KDM2B: variants seen among roughly 807,000 people sequenced by gnomAD.
KDM2B encodes the protein lysine-specific demethylase 2B.
KDM2B carries 26 observed loss-of-function variants against 150.0 expected under a neutral mutation model. The observed-to-expected ratio is 0.17, with a 90% CI of 0.13 to 0.24. The LOEUF is 0.24. Ranked by LOEUF, KDM2B falls within the 10% of genes least tolerant of loss-of-function variation. The pLI is 1.00. For missense variants in KDM2B, 1,265 were observed against 1,816.9 expected (o/e 0.70, Z 5.52); for synonymous variants, 734 against 729.5 (o/e 1.01, Z -0.10).
chr12:121,414,627 T>C, the KDM2B span, among the ~76,000 whole-genome samples: 1 of 152,238 alleles, frequency 6.6e-6, no homozygotes, highest in South Asian at 2.1e-4. Flanking sequence ...AAATTATGTT[T>C]AGTATCTTCA....
rs1337214486 is a variant in KDM2B, at chr12:121,533,021, GCC to G, written c.778-64_778-63del. ...GGCCCAGACAAGACCCAGAGAGAGG[GCC>G]CCACCTGCCTGGCGGAAGGGGAGGG... On this transcript the variant is annotated intron_variant, in intron 7 of 22. Coordinates refer to ENST00000377071, the MANE Select transcript of KDM2B (RefSeq NM_032590.5). The surrounding 1 kb of genome is among the most constrained non-coding windows in gnomAD (Gnocchi z 4.1). 1.4e-5 allele frequency: 22 copies of G among 1,571,286 alleles called. No homozygotes were observed. Among genetic ancestry groups the G allele is most frequent in the Non-Finnish European group, 1.9e-5 (22 of 1,146,486 alleles).
At chr12:121,516,623 A>G in intron 9 of KDM2B, 1 of 949,572 alleles carries the variant, frequency 1.1e-6, no homozygotes, top group Non-Finnish European at 1.5e-6. Context: ...AAGGCAAGGC[A>G]GTCACAAGGC....
chr12:121,416,055 G>A, the KDM2B span: 3 of 874,276 alleles, frequency 3.4e-6, no homozygotes, highest in Non-Finnish European at 5.5e-6. Flanking sequence ...TAATCTCAAA[G>A]TTATTGAGGG....
chr12:121,549,659 C>A lies in KDM2B; in HGVS notation c.398-21G>T, dbSNP rs1159563376. On this transcript the variant is annotated intron_variant, in intron 4 of 22. Transcript: ENST00000377071. The surrounding 1 kb of genome is among the most constrained non-coding windows in gnomAD (Gnocchi z 4.4). Reference sequence around the variant, plus strand: ...GCTCCCTGGAGGCAGAAGCCACACACTGGTTGTTCCTGCCGGCTTAAGGCT... The same window carrying A: ...GCTCCCTGGAGGCAGAAGCCACACAATGGTTGTTCCTGCCGGCTTAAGGCT... The A allele has an allele frequency of 6.5e-7, 1 of 1,539,772 alleles. No homozygotes were observed. Among genetic ancestry groups the A allele is most frequent in the Non-Finnish European group, 8.8e-7 (1 of 1,135,596 alleles).
At chr12:121,474,292 T>C (rs1881099259) in intron 12 of KDM2B, among the ~76,000 whole-genome samples, 1 of 152,102 alleles carries the variant, frequency 6.6e-6, no homozygotes, top group African/African-American at 2.4e-5. Flanking sequence ...GGTGGGCAGA[T>C]CACGAGGTCG....
In KDM2B at chr12:121,513,206, G is replaced by A. The variant is rs115837423; in HGVS notation, c.1174+70C>T. 6,227 of 1,567,572 alleles carry A rather than the reference G, an allele frequency of 4.0e-3. 228 individuals carry two copies. The African/African-American group carries it at 0.074, about 19-fold the overall frequency. ...CCCAAAACTCAGGGAGTGTCTCCAG[G>A]CCCCACTGAGAAAATGATTTCTGCC... On this transcript the variant is annotated intron_variant, in intron 10 of 22. Transcript: ENST00000377071. The surrounding 1 kb of genome is among the most constrained non-coding windows in gnomAD (Gnocchi z 5.0).
At position 121,430,534 on chromosome 12, in the gene KDM2B, AC is replaced by A; in HGVS notation, c.3830-66del. ...GAGCCAGAAGCCCCCCCGCCGCCAG[AC>A]CCAGGCACTCAGCAGTGGGGACAGG... On this transcript the variant is annotated intron_variant, in intron 22 of 22. Coordinates refer to ENST00000377071, the MANE Select transcript of KDM2B (RefSeq NM_032590.5). This position sits in a 1 kb window ranked among gnomAD's most constrained non-coding sequence, Gnocchi z 4.4. The A allele has an allele frequency of 8.5e-7, 1 of 1,173,932 alleles. No homozygotes were observed. The highest frequency in any genetic ancestry group is 1.3e-6 in the Non-Finnish European group (1 of 782,410). The allele number at this position is 1,173,932 out of a possible 1,614,324, so 72.7% of individuals were successfully genotyped here. A position where few individuals can be genotyped will look rare whatever the true frequency, so the allele number is the denominator to read the frequency against.
chr12:121,573,608 G>A (rs1230091434), intron 4 of KDM2B, among the ~76,000 whole-genome samples: 7 of 143,384 alleles, frequency 4.9e-5, no homozygotes, highest in South Asian at 4.4e-4. Flanking sequence ...TTTTTGAGAC[G>A]GAGTCTCGCT....
chr12:121,418,926 C>T, the KDM2B span, among the ~76,000 whole-genome samples: 869 of 152,258 alleles, frequency 5.7e-3, 7 homozygotes, highest in Middle Eastern at 0.037. Flanking sequence ...AGGCTGGTCT[C>T]GAATACCTGA....
At position 121,452,778 on chromosome 12, in the gene KDM2B, G is replaced by T. The variant is rs1555291890; in HGVS notation, c.1959+342C>A. Reference sequence around the variant, plus strand: ...AGATGGGGCGCTGACCTTCCACCCAGACTTCTGACTCTGAAGGCAGGGCCG... The same window carrying T: ...AGATGGGGCGCTGACCTTCCACCCATACTTCTGACTCTGAAGGCAGGGCCG... On this transcript the variant is annotated intron_variant, in intron 13 of 22. Coordinates refer to ENST00000377071, the MANE Select transcript of KDM2B (RefSeq NM_032590.5). The surrounding 1 kb of genome is among the most constrained non-coding windows in gnomAD (Gnocchi z 4.4). 1.3e-5 allele frequency among the ~76,000 whole-genome samples: 2 copies of T among 152,204 alleles called. No homozygotes were observed.
chr12:121,544,689 G>T (rs1594094230), intron 6 of KDM2B, among the ~76,000 whole-genome samples: 5 of 152,262 alleles, frequency 3.3e-5, no homozygotes, highest in Admixed American at 3.3e-4. Context: ...AAGGCGGGCA[G>T]ATCACCTGAG....
At chr12:121,414,943 A>T in the KDM2B span, among the ~76,000 whole-genome samples, 1 of 152,174 alleles carries the variant, frequency 6.6e-6, no homozygotes, top group Non-Finnish European at 1.5e-5. Context: ...AAAACTACAA[A>T]AAATTAGCTG....
At position 121,468,354 on chromosome 12, in the gene KDM2B, C is replaced by G. The variant is rs114357852; in HGVS notation, c.1735-15010G>C. ...GTCTATCGGGCACTTAAGCCAGCAGCCTCTCTGAAAGAGCTCATGACCATG... is the reference window on the plus strand; with the variant it reads ...GTCTATCGGGCACTTAAGCCAGCAGGCTCTCTGAAAGAGCTCATGACCATG... On this transcript the variant is annotated intron_variant, in intron 12 of 22. Transcript: ENST00000377071. The surrounding 1 kb of genome is among the most constrained non-coding windows in gnomAD (Gnocchi z 4.0). 3.9e-5 allele frequency: 6 copies of G among 152,172 alleles called. No homozygotes were observed. Among genetic ancestry groups the G allele is most frequent in the African/African-American group, 1.4e-4 (6 of 41,436 alleles). 9.4% of individuals were successfully genotyped at this position (152,172 alleles called of 1,614,324 possible).
intron 1 of KDM2B, chr12:121,579,690 C>G: frequency 7.1e-7 from 1 of 1,413,030 alleles, no homozygotes; most frequent in Non-Finnish European, 9.3e-7. Flanking sequence ...CCCCGCATCC[C>G]CCTGCCTCCT....
the KDM2B span, chr12:121,420,613 C>T: frequency 1.9e-6 from 3 of 1,614,054 alleles, no homozygotes; most frequent in Non-Finnish European, 2.5e-6. Flanking sequence ...GAGAGCTTCA[C>T]TGTCTGACTT....
rs1211720542 is a variant in KDM2B, at chr12:121,443,009, T to C, written c.2587A>G (p.Lys863Glu). ...QQQLKPGKED[K>E]LFRKKRRSWK... ...GATGGTACCTTTTTCCTGAAAAGCT[T>C]ATCTTCTTTGCCAGGTTTGAGCTGT... Residue 863 changes from lysine (K) to glutamate (E), a missense_variant, in exon 18 of 23, where the codon AAG becomes GAG. This residue lies in a region of KDM2B where 418 missense variants were observed against 402.4 expected (regional missense o/e 1.04). Transcript: ENST00000377071. 6 of 1,613,360 alleles carry C rather than the reference T, an allele frequency of 3.7e-6. No homozygotes were observed. Among genetic ancestry groups the C allele is most frequent in the Non-Finnish European group, 5.1e-6 (6 of 1,179,716 alleles).
intron 13 of KDM2B, among the ~76,000 whole-genome samples, chr12:121,449,865 A>G (rs534254296): frequency 1.1e-4 from 16 of 152,340 alleles, no homozygotes; most frequent in African/African-American, 3.8e-4. Flanking sequence ...AATTAAAAGC[A>G]CAAGCAGTGG....
At chr12:121,488,517 T>C (rs12818602) in intron 12 of KDM2B, among the ~76,000 whole-genome samples, 1,873 of 152,260 alleles carry the variant, frequency 0.012, 18 homozygotes, top group Non-Finnish European at 0.02. Context: ...AGCTAGTCAG[T>C]GGTGAAGGAA....
rs1421434189 is a variant in KDM2B, at chr12:121,534,362, A to G, written c.777+135T>C. 22 of 646,778 alleles carry G rather than the reference A, an allele frequency of 3.4e-5. 1 individual carries two copies. Among genetic ancestry groups the G allele is most frequent in the African/African-American group, 7.4e-5 (4 of 54,196 alleles). The allele number at this position is 646,778 out of a possible 1,614,324, so 40.1% of individuals were successfully genotyped here. A position where few individuals can be genotyped will look rare whatever the true frequency, so the allele number is the denominator to read the frequency against. ...AGACTCCATCTCAAAAAAAAAAAAA[A>G]AGAGTAATCCTTAAAGTACTCCTGG... On this transcript the variant is annotated intron_variant, in intron 7 of 22. Coordinates refer to ENST00000377071, the MANE Select transcript of KDM2B (RefSeq NM_032590.5).
Sources: gnomAD v4.1 joint callset for allele counts (sites outside exome capture counted in the v4.1 genomes callset) on GRCh38, gnomAD v4.1.1 for gene constraint, gnomAD v4.1.1 regional missense constraint, Gnocchi (gnomAD v3.1) non-coding constraint, MANE v1.5 for transcripts, NCBI Gene and HGNC (gene_info 2026-07-23, HGNC 2026-07-21) for gene names.